GSTM5: variants seen among roughly 807,000 people sequenced by gnomAD.
The protein encoded by GSTM5 is GST class-mu 5.
GSTM5 carries 24 observed loss-of-function variants against 29.0 expected under a neutral mutation model. That is an observed-to-expected ratio of 0.83 (90% CI 0.60 to 1.16). The LOEUF (loss-of-function observed/expected upper bound fraction) is 1.16. Ranked by LOEUF, GSTM5 falls within the 50% of genes most tolerant of loss-of-function variation. GSTM5 has a pLI of 0.00. For synonymous variants in GSTM5, 91 were observed against 93.6 expected (o/e 0.97, Z 0.16); for missense variants, 290 against 263.0 (o/e 1.10, Z -0.71).
Position 109,713,113 on chromosome 1 carries a change from C to G in GSTM5, c.113-6C>G. On this transcript the variant is annotated splice_region_variant and splice_polypyrimidine_tract_variant and intron_variant, in intron 2 of 7. Coordinates refer to ENST00000256593, the MANE Select transcript of GSTM5 (RefSeq NM_000851.4). ...GAGGTTTGTTTTCACTTCTTCCCCA[C>G]CACAGCTCCTGACTATGACAGAAGC... The G allele has an allele frequency of 6.2e-7, 1 of 1,612,462 alleles. No homozygotes were observed. Among genetic ancestry groups the G allele is most frequent in the Non-Finnish European group, 8.5e-7 (1 of 1,179,874 alleles).
intron 5 of GSTM5, chr1:109,714,219 CG>C (rs1461750673): frequency 1.2e-5 from 2 of 160,406 alleles, no homozygotes; most frequent in Admixed American, 6.1e-5. Flanking sequence ...AGGCATCCCA[CG>C]GTGGAAATTC....
rs199663929 is a variant in GSTM5, at chr1:109,717,344, A to T, written c.575A>T (p.Lys192Met). 86 of 1,613,574 alleles carry T rather than the reference A, an allele frequency of 5.3e-5. 1 individual carries two copies. In the Admixed American group the frequency reaches 1.3e-3, roughly 24 times the overall value. ...CCTTCTTCCCGCCCTCAGGGTTTGA[A>T]GAAGATCTCTGCCTACATGAAGTCC... ...KDFISRFEGL[K>M]KISAYMKSSQ... is the part of the protein sequence containing the mutation. Residue 192 changes from lysine to methionine, a missense_variant, in exon 8 of 8, where the codon AAG (lysine) becomes ATG (methionine). Lys to Met is a moderately conservative substitution (Grantham distance 95). Transcript: ENST00000256593.
chr1:109,717,275 CAAAGCT>C, intron 7 of GSTM5, 56 bp from the exon 8 acceptor site: 1 of 1,297,052 alleles, frequency 7.7e-7, no homozygotes, highest in Admixed American at 1.7e-5. Flanking sequence ...GTGCCTGCAG[CAAAGCT>C]ACTTGAGCCC....
At position 109,714,635 on chromosome 1, in the gene GSTM5, G is replaced by C. The variant is rs185660366; in HGVS notation, c.361-312G>C. On this transcript the variant is annotated intron_variant, in intron 5 of 7. Transcript: ENST00000256593. ...TTTAGTTCTTTGCATCCTTGATTCT[G>C]CCCCTGTCTGGATCCAGAGGCTGCC... 27 of 418,640 alleles carry C rather than the reference G, an allele frequency of 6.4e-5. No homozygotes were observed. In the East Asian group the frequency reaches 1.2e-3, roughly 18 times the overall value. 25.9% of individuals were successfully genotyped at this position (418,640 alleles called of 1,614,324 possible).
intron 7 of GSTM5, chr1:109,715,851 G>T: frequency 2.1e-6 from 1 of 481,224 alleles, no homozygotes. Context: ...TTGAAGCAGT[G>T]TGTGTTGAAG....
Position 109,717,839 on chromosome 1 carries a change from C to G in GSTM5, c.*413C>G, listed in dbSNP as rs1648805551. On this transcript the variant is annotated 3_prime_UTR_variant, in exon 8 of 8. Coordinates refer to ENST00000256593, the MANE Select transcript of GSTM5 (RefSeq NM_000851.4). ...GATGCCCAGTAAAGCCTGAACCATGCCTGCCATGTCTTGTCTTATTCCCTG... is the reference window on the plus strand; with the variant it reads ...GATGCCCAGTAAAGCCTGAACCATGGCTGCCATGTCTTGTCTTATTCCCTG... 1.2e-5 allele frequency: 2 copies of G among 170,534 alleles called. No homozygotes were observed. Among genetic ancestry groups the G allele is most frequent in the South Asian group, 2.9e-4 (2 of 6,986 alleles). 10.6% of individuals were successfully genotyped at this position (170,534 alleles called of 1,614,324 possible). A position where few individuals can be genotyped will look rare whatever the true frequency, so the allele number is the denominator to read the frequency against.
At chr1:109,711,834 A>G (rs28461755), upstream of GSTM5, among the ~76,000 whole-genome samples, 51,250 of 131,622 alleles carry the variant, frequency 0.39, 10,134 homozygotes, top group East Asian at 0.72. Flanking sequence ...CCAGGTTGGG[A>G]CCACCACTTT....
chr1:109,712,792 G>C (rs780327768), intron 2 of GSTM5, 99 bp downstream of exon 2: 9 of 1,344,790 alleles, frequency 6.7e-6, no homozygotes, highest in Non-Finnish European at 9.6e-6. Context: ...GGCCTCCCCT[G>C]CTGGAGCTGC....
intron 7 of GSTM5, chr1:109,716,198 G>T: frequency 4.0e-6 from 1 of 248,370 alleles, no homozygotes; most frequent in South Asian, 4.4e-5. Flanking sequence ...TCCTACTTTA[G>T]TACAGATTTG....
chr1:109,712,815 C>T (rs1648605428), intron 2 of GSTM5, 122 bp downstream of exon 2: 6 of 1,154,496 alleles, frequency 5.2e-6, no homozygotes, highest in Non-Finnish European at 7.8e-6. Context: ...GCTGTCCCTT[C>T]CCTGAGCTCC....
At position 109,714,839 on chromosome 1, in the gene GSTM5, A is replaced by G. The variant is rs1055355484; in HGVS notation, c.361-108A>G. ...ACTGCCCCGGTTTTAGTTGTGGGGA[A>G]GATGGCTGCTTGCCTGTGGCCAGCC... On this transcript the variant is annotated intron_variant, in intron 5 of 7. Transcript: ENST00000256593. The G allele has an allele frequency of 7.0e-6, 7 of 993,432 alleles. No homozygotes were observed. In the African/African-American group the frequency reaches 1.1e-4, roughly 16 times the overall value. The allele number at this position is 993,432 out of a possible 1,614,324, so 61.5% of individuals were successfully genotyped here.
At position 109,714,668 on chromosome 1, in the gene GSTM5, C is replaced by T. The variant is rs553714154; in HGVS notation, c.361-279C>T. On this transcript the variant is annotated intron_variant, in intron 5 of 7. Coordinates refer to ENST00000256593, the MANE Select transcript of GSTM5 (RefSeq NM_000851.4). ...CTGGATCCAGAGGCTGCCAGGTGCT[C>T]GGGCGCTCATGCGGCTGACCCAGAG... The T allele has an allele frequency of 1.3e-4, 64 of 493,778 alleles. No homozygotes were observed. In the East Asian group the frequency reaches 1.7e-3, roughly 13 times the overall value. 30.6% of individuals were successfully genotyped at this position (493,778 alleles called of 1,614,324 possible).
Position 109,713,763 on chromosome 1 carries a change from T to A in GSTM5, c.360+2T>A, listed in dbSNP as rs1199146947. On this transcript the variant is annotated splice_donor_variant, in intron 5 of 7. Coordinates refer to ENST00000256593, the MANE Select transcript of GSTM5 (RefSeq NM_000851.4). LOFTEE classifies it high-confidence loss of function. The stretch of plus-strand genomic sequence containing the variant: ...AGACTGTGCTATGACCCAGATTTTG[T>A]GAGTCCCACACCCCACTCCCAGTCA... 1.2e-6 allele frequency: 2 copies of A among 1,610,996 alleles called. No homozygotes were observed. Among genetic ancestry groups the A allele is most frequent in the Non-Finnish European group, 1.7e-6 (2 of 1,178,012 alleles).
At chr1:109,715,702 T>C (rs555332062) in intron 7 of GSTM5, 2 of 471,706 alleles carry the variant, frequency 4.2e-6, no homozygotes, top group African/African-American at 3.9e-5. Flanking sequence ...CACAGTGGCA[T>C]TGATGTTGAG....
In GSTM5 at chr1:109,713,775, C is replaced by G. The variant is rs754218698; in HGVS notation, c.360+14C>G. ...GACCCAGATTTTGTGAGTCCCACAC[C>G]CCACTCCCAGTCACCCATTTCCCTG... is the stretch of plus-strand genomic sequence containing the variant. On this transcript the variant is annotated intron_variant, in intron 5 of 7. Transcript: ENST00000256593. 1 of 1,604,122 alleles carries G rather than the reference C, an allele frequency of 6.2e-7. No homozygotes were observed. Among genetic ancestry groups the G allele is most frequent in the East Asian group, 2.2e-5 (1 of 44,758 alleles).
intron 5 of GSTM5, 144 bp downstream of exon 5, chr1:109,713,905 G>A (rs1648656647): frequency 2.3e-6 from 1 of 436,578 alleles, no homozygotes; most frequent in South Asian, 1.8e-5. Context: ...ATGTCCACAC[G>A]AATCTTCTCC....
chr1:109,712,958 C>G, intron 2 of GSTM5, 161 bp from the exon 3 acceptor site: 2 of 966,548 alleles, frequency 2.1e-6, no homozygotes, highest in Non-Finnish European at 3.2e-6. Context: ...GTCCAGAGCC[C>G]TCAGTGGGAT....
In GSTM5 at chr1:109,713,274, G is replaced by T. The variant is rs1020675893; in HGVS notation, c.177+91G>T. ...CCCACCTTAGAGGTGTTAAGATCAG[G>T]AGTCTTCTGCCCAATTCCTCTCACT... On this transcript the variant is annotated intron_variant, in intron 3 of 7. Coordinates refer to ENST00000256593, the MANE Select transcript of GSTM5 (RefSeq NM_000851.4). The T allele has an allele frequency of 5.4e-5, 86 of 1,582,174 alleles. No homozygotes were observed. The African/African-American group carries it at 1.1e-3, about 20-fold the overall frequency.
At chr1:109,712,185 T>C (rs1256186644), upstream of GSTM5, 8 of 985,536 alleles carry the variant, frequency 8.1e-6, no homozygotes, top group Non-Finnish European at 1.3e-5. Context: ...CAGAATGGCG[T>C]GTTTCGGGGT....
Sources: gnomAD v4.1 joint callset for allele counts (sites outside exome capture counted in the v4.1 genomes callset) on GRCh38, gnomAD v4.1.1 for gene constraint, MANE v1.5 for transcripts, NCBI Gene and HGNC (gene_info 2026-07-23, HGNC 2026-07-21) for gene names.